Variants in ZNF385D observed in about 807,000 individuals in gnomAD.
The protein encoded by ZNF385D is zinc finger protein 659.
Under a neutral mutation model 35.8 loss-of-function variants are expected in ZNF385D, and 15 were observed. The observed-to-expected ratio is 0.42, with a 90% confidence interval of 0.28 to 0.64. The LOEUF (loss-of-function observed/expected upper bound fraction) is 0.64, where lower values mean the gene tolerates loss of function less well. ZNF385D is among the 30% of genes least tolerant of loss of function. ZNF385D has a pLI of 0.23. For synonymous variants in ZNF385D, 212 were observed against 186.8 expected (o/e 1.13, Z -1.10); for missense variants, 474 against 494.6 (o/e 0.96, Z 0.39).
At chr3:21,525,684 CAAAA>C (rs11308733) in intron 3 of ZNF385D, among the ~76,000 whole-genome samples, 12 of 88,378 alleles carry the variant, frequency 1.4e-4, no homozygotes, top group African/African-American at 3.8e-4. Flanking sequence ...AATTCCATCT[CAAAA>C]AAAAAAAAAA....
At chr3:22,296,677 C>T (rs1038800677) in intron 2 of ZNF385D, among the ~76,000 whole-genome samples, 3 of 152,104 alleles carry the variant, frequency 2.0e-5, no homozygotes, top group Non-Finnish European at 4.4e-5. Flanking sequence ...GCACTCCTTG[C>T]TGAATGCTGA....
At chr3:21,898,921 T>C (rs1353627658) in intron 3 of ZNF385D, among the ~76,000 whole-genome samples, 1 of 152,154 alleles carries the variant, frequency 6.6e-6, no homozygotes, top group Non-Finnish European at 1.5e-5. Context: ...ACCCCTCAGA[T>C]GACTTCTCCT....
In ZNF385D at chr3:21,593,707, T is replaced by C. The variant is rs188403722; in HGVS notation, c.166-29023A>G. 2.8e-3 allele frequency among the ~76,000 whole-genome samples: 421 copies of C among 152,034 alleles called. 1 individual carries two copies. The highest frequency in any genetic ancestry group is 4.6e-3 in the Non-Finnish European group (316 of 68,004). Reference sequence around the variant, plus strand: ...TTCTGGATTTTCTAGATATATATTATAGACTTTTTTTAAAAATTACAGTGA... The same window carrying C: ...TTCTGGATTTTCTAGATATATATTACAGACTTTTTTTAAAAATTACAGTGA... On this transcript the variant is annotated intron_variant, in intron 2 of 7. Coordinates refer to ENST00000281523, the MANE Select transcript of ZNF385D (RefSeq NM_024697.3).
intron 1 of ZNF385D, among the ~76,000 whole-genome samples, chr3:21,698,647 AAAAC>A (rs1310863915): frequency 2.0e-5 from 3 of 151,922 alleles, no homozygotes; most frequent in Non-Finnish European, 2.9e-5. Context: ...TCCAAGAAAA[AAAAC>A]AAACAAACCC....
At chr3:22,045,292 T>C (rs1698920558) in intron 3 of ZNF385D, among the ~76,000 whole-genome samples, 1 of 152,112 alleles carries the variant, frequency 6.6e-6, no homozygotes, top group African/African-American at 2.4e-5. Context: ...AGGGATTAAA[T>C]GTTATTATTG....
intron 3 of ZNF385D, among the ~76,000 whole-genome samples, chr3:21,784,573 C>G (rs950419467): frequency 6.6e-6 from 1 of 151,822 alleles, no homozygotes; most frequent in African/African-American, 2.4e-5. Flanking sequence ...CAGTAAGGAA[C>G]TGCACTTGGA....
intron 2 of ZNF385D, among the ~76,000 whole-genome samples, chr3:22,212,795 T>G (rs1041487318): frequency 2.0e-5 from 3 of 152,012 alleles, no homozygotes; most frequent in African/African-American, 7.2e-5. Flanking sequence ...AGCAAAGAAC[T>G]ATTTAAACTA....
rs577316554 is a variant in ZNF385D at position 22,078,558 on chromosome 3, G to A, written c.325+90259C>T. Among the ~76,000 whole-genome samples the A allele has an allele frequency of 3.4e-4, 51 of 152,128 alleles. 1 individual carries two copies. Among genetic ancestry groups the A allele is most frequent in the South Asian group, 2.5e-3 (12 of 4,828 alleles). On this transcript the variant is annotated intron_variant, in intron 3 of 5. Transcript: ENST00000494108. ...ACACTGTATGAAGAAAATCAAGCAA[G>A]GCACAGTGCTTATCAAGGCAAGGAA...
In ZNF385D at chr3:21,629,483, A is replaced by G. The variant is rs79947468; in HGVS notation, c.165+35403T>C. 8.8e-3 allele frequency among the ~76,000 whole-genome samples: 1,344 copies of G among 152,312 alleles called. 25 individuals carry two copies. Among genetic ancestry groups the G allele is most frequent in the African/African-American group, 0.031 (1,308 of 41,582 alleles). On this transcript the variant is annotated intron_variant, in intron 2 of 7. Coordinates refer to ENST00000281523, the MANE Select transcript of ZNF385D (RefSeq NM_024697.3). ...GTTTCCTTGTTCACTTTGAGAATGA[A>G]AAGAATAAAGACATGAAAAATGACT...
At chr3:22,072,698 A>C (rs1209328637) in intron 3 of ZNF385D, among the ~76,000 whole-genome samples, 1 of 151,822 alleles carries the variant, frequency 6.6e-6, no homozygotes, top group Non-Finnish European at 1.5e-5. Flanking sequence ...AGAGGGAGAA[A>C]GGGAGAAAGA....
Position 21,415,203 on chromosome 3 carries a change from G to T in ZNF385D, c.*6011C>A, listed in dbSNP as rs1700545439. 6.6e-6 allele frequency: 1 copy of T among 152,078 alleles called. No homozygotes were observed. Among genetic ancestry groups the T allele is most frequent in the Non-Finnish European group, 1.5e-5 (1 of 68,004 alleles). 9.4% of individuals were successfully genotyped at this position (152,078 alleles called of 1,614,324 possible). On this transcript the variant is annotated 3_prime_UTR_variant, in exon 8 of 8. Transcript: ENST00000281523. The stretch of plus-strand genomic sequence containing the variant: ...TGTTGTACTGGCAAAAATACAATCT[G>T]GGTTTCCAATGAAGGCTCTCTCTGC...
intron 2 of ZNF385D, among the ~76,000 whole-genome samples, chr3:22,350,347 A>T (rs1158775279): frequency 6.6e-6 from 1 of 152,176 alleles, no homozygotes; most frequent in African/African-American, 2.4e-5. Context: ...TTGTGCAGTT[A>T]ACCCTTTAGG....
At chr3:21,725,593 T>C (rs1251247297) in intron 1 of ZNF385D, among the ~76,000 whole-genome samples, 1 of 152,098 alleles carries the variant, frequency 6.6e-6, no homozygotes, top group Non-Finnish European at 1.5e-5. Flanking sequence ...AATAAATGGA[T>C]AAATTCCTGG....
intron 5 of ZNF385D, among the ~76,000 whole-genome samples, chr3:21,436,655 G>A (rs781379453): frequency 1.1e-4 from 16 of 151,992 alleles, no homozygotes; most frequent in Non-Finnish European, 2.2e-4. Context: ...AGATGCAAAT[G>A]CATGTAAATA....
At chr3:22,107,025 A>ATTTTTTTTTT (rs1559373830) in intron 3 of ZNF385D, among the ~76,000 whole-genome samples, 2 of 46,320 alleles carry the variant, frequency 4.3e-5, no homozygotes, top group Non-Finnish European at 5.5e-5. Flanking sequence ...TTGGAATGAG[A>ATTTTTTTTTT]GTTTTTTTTT....
At position 21,616,250 on chromosome 3, in the gene ZNF385D, G is replaced by A. The variant is rs187197683; in HGVS notation, c.165+48636C>T. Among the ~76,000 whole-genome samples, 489 of 152,240 alleles carry A rather than the reference G, an allele frequency of 3.2e-3. 6 individuals are homozygous for A. The highest frequency in any genetic ancestry group is 0.011 in the African/African-American group (457 of 41,542). ...GGGATGAGAACACACAATATCAGGC[G>A]ATTTGAGAATCCGGGGTGACTACAA... On this transcript the variant is annotated intron_variant, in intron 2 of 7. Coordinates refer to ENST00000281523, the MANE Select transcript of ZNF385D (RefSeq NM_024697.3).
In ZNF385D at chr3:21,758,944, G is replaced by A. The variant is rs2070468954; in HGVS notation, c.326-93916C>T. The stretch of plus-strand genomic sequence containing the variant: ...TAGTATGGTGCCTCACTCATAGAAA[G>A]CCAAATCATTATAACCATCATCATC... On this transcript the variant is annotated intron_variant, in intron 3 of 5. Coordinates refer to the ZNF385D transcript ENST00000494108. Among the ~76,000 whole-genome samples, 4 of 100,462 alleles carry A rather than the reference G, an allele frequency of 4.0e-5. 1 individual carries two copies. The South Asian group carries it at 1.4e-3, about 36-fold the overall frequency. 65.9% of individuals were successfully genotyped at this position (100,462 alleles called of 152,430 possible).
At chr3:21,634,295 A>C (rs1419757291) in intron 2 of ZNF385D, among the ~76,000 whole-genome samples, 4 of 150,730 alleles carry the variant, frequency 2.7e-5, no homozygotes, top group African/African-American at 9.8e-5. Context: ...GAAAGGAAGA[A>C]AGGAGAGGAA....
At chr3:21,714,645 A>C (rs1345222380) in intron 1 of ZNF385D, among the ~76,000 whole-genome samples, 1 of 152,138 alleles carries the variant, frequency 6.6e-6, no homozygotes, top group East Asian at 1.9e-4. Flanking sequence ...TTAATTTTCC[A>C]ACATGTATTA....
Sources: gnomAD v4.1 joint callset for allele counts (sites outside exome capture counted in the v4.1 genomes callset) on GRCh38, gnomAD v4.1.1 for gene constraint, MANE v1.5 for transcripts, NCBI Gene and HGNC (gene_info 2026-07-23, HGNC 2026-07-21) for gene names.